The following YIPF4 variants were observed in gnomAD, a reference collection of about 807,000 sequenced individuals.
YIPF4 encodes protein YIPF4.
In YIPF4, 18 loss-of-function variants were observed where a neutral mutation model predicts 29.4. The ratio of observed to expected loss-of-function variants is 0.61; its 90% CI spans 0.42 to 0.91. The LOEUF is 0.91. Ranked by LOEUF, YIPF4 falls within the 40% of genes least tolerant of loss-of-function variation. The pLI is 0.00. For missense variants in YIPF4, 279 were observed against 282.7 expected (o/e 0.99, Z 0.09); for synonymous variants, 115 against 104.7 (o/e 1.10, Z -0.60).
At chr2:32,290,802 TA>T (rs778920328) in intron 2 of YIPF4, 166 bp downstream of exon 2, 4 of 382,016 alleles carry the variant, frequency 1.0e-5, no homozygotes, top group Non-Finnish European at 1.3e-5. Flanking sequence ...AATGAGAGAA[TA>T]TTTTTTAACC....
chr2:32,295,696 C>T (rs762700098), intron 3 of YIPF4, among the ~76,000 whole-genome samples: 7 of 152,288 alleles, frequency 4.6e-5, no homozygotes, highest in Non-Finnish European at 8.8e-5. Context: ...TTCTGCCTCC[C>T]GGGTTCAAGT....
intron 3 of YIPF4, among the ~76,000 whole-genome samples, chr2:32,294,393 C>T (rs1025533284): frequency 4.1e-5 from 6 of 145,780 alleles, no homozygotes; most frequent in Non-Finnish European, 4.5e-5. Flanking sequence ...CAGACGTGGT[C>T]GCGGCCGAGC....
chr2:32,282,723 T>C (rs4952255), intron 1 of YIPF4, among the ~76,000 whole-genome samples: 101,527 of 151,806 alleles, frequency 0.67, 34,712 homozygotes, highest in African/African-American at 0.77. Context: ...TGAGCCACTG[T>C]GCCCCGCCAA....
rs1409259646 is a variant in YIPF4 at position 32,306,949 on chromosome 2, T to G, written c.*1323T>G. The G allele has an allele frequency of 7.5e-6, 3 of 402,168 alleles. No individual in the cohort carries two copies. Among genetic ancestry groups the G allele is most frequent in the Non-Finnish European group, 1.3e-5 (3 of 227,190 alleles). 24.9% of individuals were successfully genotyped at this position (402,168 alleles called of 1,614,324 possible). ...ATATCCAGCACCTCTGAAGCAAACC[T>G]ACAAATGAGTGTGTTATCAAGCCCA... is the stretch of plus-strand genomic sequence containing the variant. On this transcript the variant is annotated 3_prime_UTR_variant, in exon 6 of 6. Transcript: ENST00000238831.
chr2:32,306,572 G>A lies in YIPF4; in HGVS notation c.*946G>A, dbSNP rs1388694126. 1 of 985,122 alleles carries A rather than the reference G, an allele frequency of 1.0e-6. No individual in the cohort carries two copies. Among genetic ancestry groups the A allele is most frequent in the African/African-American group, 1.7e-5 (1 of 57,208 alleles). 61.0% of individuals were successfully genotyped at this position (985,122 alleles called of 1,614,324 possible). A position where few individuals can be genotyped will look rare whatever the true frequency, so the allele number is the denominator to read the frequency against. On this transcript the variant is annotated 3_prime_UTR_variant, in exon 6 of 6. Coordinates refer to ENST00000238831, the MANE Select transcript of YIPF4 (RefSeq NM_032312.4). Reference sequence around the variant, plus strand: ...AAAAAATAAAATACTTCCCAGTTGTGTGTTTTGTTTTACAGCACCATGTCC... The same window carrying A: ...AAAAAATAAAATACTTCCCAGTTGTATGTTTTGTTTTACAGCACCATGTCC...
Position 32,307,195 on chromosome 2 carries a change from G to A in YIPF4, c.*1569G>A. On this transcript the variant is annotated 3_prime_UTR_variant, in exon 6 of 6. Transcript: ENST00000238831. ...ATGCCTACAGAAGCAGCAACCGTAA[G>A]ATAAACATTTGTTACACTTAAGAAA... 1 of 1,213,352 alleles carries A rather than the reference G, an allele frequency of 8.2e-7. No individual in the cohort carries two copies. Among genetic ancestry groups the A allele is most frequent in the South Asian group, 1.4e-5 (1 of 73,062 alleles). The allele number at this position is 1,213,352 out of a possible 1,614,324, so 75.2% of individuals were successfully genotyped here.
At chr2:32,300,518 A>C (rs114379420) in intron 4 of YIPF4, among the ~76,000 whole-genome samples, 1 of 152,004 alleles carries the variant, frequency 6.6e-6, no homozygotes, top group Non-Finnish European at 1.5e-5. Context: ...TATATGTTCA[A>C]TCGAGCATCT....
At chr2:32,302,569 A>G (rs1573542731) in intron 5 of YIPF4, among the ~76,000 whole-genome samples, 1 of 152,170 alleles carries the variant, frequency 6.6e-6, no homozygotes, top group South Asian at 2.1e-4. Context: ...AAATCAACAT[A>G]TATACATATA....
chr2:32,281,900 A>AGG, intron 1 of YIPF4, among the ~76,000 whole-genome samples: 1 of 143,420 alleles, frequency 7.0e-6, no homozygotes. Flanking sequence ...GTCTCAAAAA[A>AGG]AAAAAAAAAA....
rs761349482 is a variant in YIPF4 at position 32,301,515 on chromosome 2, T to G, written c.597+20T>G. On this transcript the variant is annotated intron_variant, in intron 5 of 5. Transcript: ENST00000238831. ...ATAAAAGTAAGTTAAGGATTATGTA[T>G]TACATAGTTTACTGTTTTCCAATGT... 37 of 1,500,898 alleles carry G rather than the reference T, an allele frequency of 2.5e-5. No homozygotes were observed. The highest frequency in any genetic ancestry group is 3.4e-5 in the Non-Finnish European group (37 of 1,081,820). 93.0% of individuals were successfully genotyped at this position (1,500,898 alleles called of 1,614,324 possible). A position where few individuals can be genotyped will look rare whatever the true frequency, so the allele number is the denominator to read the frequency against.
intron 1 of YIPF4, among the ~76,000 whole-genome samples, chr2:32,279,093 G>T (rs558939818): frequency 2.0e-5 from 3 of 150,744 alleles, no homozygotes; most frequent in Admixed American, 6.6e-5. Context: ...TCAGCCTCCC[G>T]AGTAGCTGGG....
At chr2:32,291,356 G>A (rs1426277350) in intron 2 of YIPF4, among the ~76,000 whole-genome samples, 4 of 152,126 alleles carry the variant, frequency 2.6e-5, no homozygotes, top group South Asian at 2.1e-4. Flanking sequence ...CCAACATGGC[G>A]AAACCCCATC....
chr2:32,297,974 A>G (rs1053496813), intron 3 of YIPF4, among the ~76,000 whole-genome samples: 9 of 151,914 alleles, frequency 5.9e-5, no homozygotes, highest in African/African-American at 1.5e-4. Context: ...TTTTTTTGCA[A>G]TAATCTTTTA....
chr2:32,300,818 A>T (rs944937189), intron 4 of YIPF4, among the ~76,000 whole-genome samples: 16 of 152,276 alleles, frequency 1.1e-4, no homozygotes, highest in African/African-American at 3.9e-4. Context: ...CTAAGAATCG[A>T]TTTCTTCACA....
chr2:32,298,185 T>C (rs373113043), intron 3 of YIPF4, 49 bp from the exon 4 acceptor site: 5 of 1,394,828 alleles, frequency 3.6e-6, no homozygotes, highest in Non-Finnish European at 5.1e-6. Flanking sequence ...TGGAAAATTA[T>C]CATCTTATTT....
chr2:32,304,915 T>C, intron 5 of YIPF4, among the ~76,000 whole-genome samples: 1 of 152,188 alleles, frequency 6.6e-6, no homozygotes, highest in Non-Finnish European at 1.5e-5. Flanking sequence ...GTGATCTTTT[T>C]ATCTCCTTTT....
intron 1 of YIPF4, among the ~76,000 whole-genome samples, chr2:32,279,272 A>ATT (rs1331371488): frequency 2.0e-5 from 3 of 150,922 alleles, no homozygotes; most frequent in Non-Finnish European, 4.4e-5. Flanking sequence ...CGCCCCGGCC[A>ATT]TTTTCAAATT....
At chr2:32,285,357 A>G (rs2030618192) in intron 1 of YIPF4, among the ~76,000 whole-genome samples, 1 of 152,206 alleles carries the variant, frequency 6.6e-6, no homozygotes, top group Non-Finnish European at 1.5e-5. Context: ...ATGCAAGGAA[A>G]TGTTGACAAT....
At chr2:32,296,216 A>G (rs1573537399) in intron 3 of YIPF4, among the ~76,000 whole-genome samples, 2 of 152,148 alleles carry the variant, frequency 1.3e-5, no homozygotes, top group East Asian at 3.9e-4. Context: ...GGCTGGGCGC[A>G]GTGGCTCATG....
Sources: allele counts gnomAD v4.1 joint callset (sites outside exome capture counted in the v4.1 genomes callset), GRCh38; gene constraint gnomAD v4.1.1; transcripts MANE v1.5; gene names NCBI Gene and HGNC (gene_info 2026-07-23, HGNC 2026-07-21).